GNB3: variants seen among roughly 807,000 people sequenced by gnomAD.
GNB3 encodes G protein subunit beta 3.
In GNB3, 33 loss-of-function variants were observed where a neutral mutation model predicts 41.2. The ratio of observed to expected loss-of-function variants is 0.80; its 90% confidence interval spans 0.61 to 1.07. The LOEUF (loss-of-function observed/expected upper bound fraction) is 1.07. Ranked by LOEUF, GNB3 falls within the 50% of genes least tolerant of loss-of-function variation. GNB3 has a pLI of 0.00. For missense variants in GNB3, 409 were observed against 455.3 expected (o/e 0.90, Z 0.92); for synonymous variants, 172 against 173.4 (o/e 0.99, Z 0.06).
At position 6,843,934 on chromosome 12, in the gene GNB3, C is replaced by T. The variant is rs782266619; in HGVS notation, c.655C>T (p.Arg219Cys). ...CTGGGATGTGCGAGAGGGGACCTGCCGTCAGACTTTCACTGGCCACGAGTC... is the reference window on the plus strand; with the variant it reads ...CTGGGATGTGCGAGAGGGGACCTGCTGTCAGACTTTCACTGGCCACGAGTC... ...KLWDVREGTC[R>C]QTFTGHESDI... Residue 219 changes from arginine to cysteine, a missense_variant, in exon 8 of 10, where the codon CGT becomes TGT. Arg to Cys is a radical substitution (Grantham distance 180, BLOSUM62 -3). Coordinates refer to ENST00000229264, the MANE Select transcript of GNB3 (RefSeq NM_002075.4). The surrounding 1 kb of genome is among the most constrained non-coding windows in gnomAD (Gnocchi z 5.9). 22 of 1,613,710 alleles carry T rather than the reference C, an allele frequency of 1.4e-5. No individual in the cohort carries two copies. In the East Asian group the frequency reaches 3.6e-4, roughly 26 times the overall value.
Position 6,841,214 on chromosome 12 carries a change from G to T in GNB3, c.-30-44G>T. ...TGTGGGCACGAAGGGCAGAAGCACA[G>T]CCTGGTGGGGGGTTCCTCAACACCG... On this transcript the variant is annotated intron_variant, in intron 1 of 9. Coordinates refer to ENST00000229264, the MANE Select transcript of GNB3 (RefSeq NM_002075.4). 4 of 1,279,832 alleles carry T rather than the reference G, an allele frequency of 3.1e-6. 1 individual carries two copies. In the South Asian group the frequency reaches 5.0e-5, roughly 16 times the overall value. The allele number at this position is 1,279,832 out of a possible 1,614,324, so 79.3% of individuals were successfully genotyped here.
At chr12:6,842,577 C>A (rs769650332) in intron 3 of GNB3, among the ~76,000 whole-genome samples, 1 of 152,166 alleles carries the variant, frequency 6.6e-6, no homozygotes, top group Non-Finnish European at 1.5e-5. Context: ...AAAAGCTAGC[C>A]GTGCTGCAGC....
chr12:6,842,876 G>T, intron 3 of GNB3, 94 bp from the exon 4 acceptor site: 1 of 783,148 alleles, frequency 1.3e-6, no homozygotes, highest in Non-Finnish European at 2.1e-6. Context: ...CTAGAGCCTG[G>T]CACAGAGCGG....
intron 9 of GNB3, 91 bp from the exon 10 acceptor site, chr12:6,846,701 C>CACA (rs138991440): frequency 8.3e-5 from 57 of 683,792 alleles, no homozygotes; most frequent in African/African-American, 7.4e-4. Context: ...ACACACACAC[C>CACA]CACACACCCA....
At position 6,845,387 on chromosome 12, in the gene GNB3, C is replaced by A. The variant is rs782674795; in HGVS notation, c.700-199C>A. On this transcript the variant is annotated intron_variant, in intron 8 of 9. Coordinates refer to ENST00000229264, the MANE Select transcript of GNB3 (RefSeq NM_002075.4). ...GCCTGCAGCGCTGTATAGTGCAGAG[C>A]GGGCGAGGGGCATAGGGAAGTCACT... 10 of 590,572 alleles carry A rather than the reference C, an allele frequency of 1.7e-5. No individual in the cohort carries two copies. The South Asian group carries it at 1.8e-4, about 11-fold the overall frequency. 36.6% of individuals were successfully genotyped at this position (590,572 alleles called of 1,614,324 possible).
Position 6,844,091 on chromosome 12 carries a change from GTATTTTTTTTT to G in GNB3, c.699+115_699+125del, listed in dbSNP as rs1943633010. On this transcript the variant is annotated intron_variant, in intron 8 of 9. Transcript: ENST00000229264. Reference sequence around the variant, plus strand: ...ATAGCTTCCCTAGCCCTTTCTTACTGTATTTTTTTTTTTTTTTTTTTTTTTTTTGAGACAGA... The same window carrying G: ...ATAGCTTCCCTAGCCCTTTCTTACTGTTTTTTTTTTTTTTTTTGAGACAGA... The G allele has an allele frequency of 4.6e-5, 12 of 258,824 alleles. No individual in the cohort carries two copies. Among genetic ancestry groups the G allele is most frequent in the South Asian group, 2.2e-4 (3 of 13,686 alleles). 16.0% of individuals were successfully genotyped at this position (258,824 alleles called of 1,614,324 possible). A position where few individuals can be genotyped will look rare whatever the true frequency, so the allele number is the denominator to read the frequency against.
rs782222611 is a variant in GNB3 at position 6,843,137 on chromosome 12, G to A, written c.204-37G>A. ...AGAGCGGGAGTGAGGAAGGCGGGAA[G>A]GGGAGGCTTGCATGATATGGGATGC... On this transcript the variant is annotated intron_variant, in intron 4 of 9. Coordinates refer to ENST00000229264, the MANE Select transcript of GNB3 (RefSeq NM_002075.4). The surrounding 1 kb of genome is among the most constrained non-coding windows in gnomAD (Gnocchi z 5.9). 6.2e-7 allele frequency: 1 copy of A among 1,608,848 alleles called. No individual in the cohort carries two copies. The highest frequency in any genetic ancestry group is 8.5e-7 in the Non-Finnish European group (1 of 1,175,278).
chr12:6,841,485 AC>A, intron 2 of GNB3, 100 bp from the exon 3 acceptor site: 1 of 1,192,572 alleles, frequency 8.4e-7, no homozygotes, highest in Non-Finnish European at 1.2e-6. Flanking sequence ...CATATTTGAG[AC>A]CCCCAAGCCC....
rs782167184 is a variant in GNB3 at position 6,845,652 on chromosome 12, C to A, written c.766C>A (p.Arg256=). ...CGCTTCCTGCCGCTTGTTTGACCTG[C>A]GGGCAGACCAGGAGCTGATCTGCTT... The part of the protein sequence containing the change: ...DDASCRLFDL[R]ADQELICFSH... Residue 256 remains arginine (R), a synonymous_variant, in exon 9 of 10, where the codon CGG becomes AGG. Coordinates refer to ENST00000229264, the MANE Select transcript of GNB3 (RefSeq NM_002075.4). 62 of 1,613,942 alleles carry A rather than the reference C, an allele frequency of 3.8e-5. No homozygotes were observed. In the South Asian group the frequency reaches 5.8e-4, roughly 15 times the overall value.
At chr12:6,841,381 C>A in intron 2 of GNB3, 37 bp downstream of exon 2, 3 of 1,574,828 alleles carry the variant, frequency 1.9e-6, no homozygotes, top group Non-Finnish European at 1.7e-6. Context: ...CCCCAGAAAA[C>A]AGCTGGGGAC....
chr12:6,843,400 C>T lies in GNB3; in HGVS notation c.305C>T (p.Thr102Ile). The T allele has an allele frequency of 5.0e-6, 8 of 1,614,178 alleles. No individual in the cohort carries two copies. Among genetic ancestry groups the T allele is most frequent in the Non-Finnish European group, 6.8e-6 (8 of 1,179,998 alleles). The change falls in exon 6 of 10, where the codon ACC (threonine) becomes ATC (isoleucine). Residue 102 changes from threonine to isoleucine, a missense_variant. Thr to Ile is a moderately conservative substitution (Grantham distance 89, BLOSUM62 -1). Transcript: ENST00000229264. This position sits in a 1 kb window ranked among gnomAD's most constrained non-coding sequence, Gnocchi z 5.9. ...AIPLRSSWVM[T>I]CAYAPSGNFV... ...CCACTGCGCTCCTCCTGGGTCATGA[C>T]CTGTGCCTATGCCCCATCAGGGAAC...
chr12:6,843,901 G>A lies in GNB3; in HGVS notation c.622G>A (p.Ala208Thr), dbSNP rs1943626651. ...CATTTCGGGGGCCTGTGATGCCAGT[G>A]CCAAGCTCTGGGATGTGCGAGAGGG... ...LFISGACDAS[A>T]KLWDVREGTC... Residue 208 changes from alanine (A) to threonine (T), a missense_variant, in exon 8 of 10, where the codon GCC (alanine) becomes ACC (threonine). Ala to Thr is a moderately conservative substitution (Grantham distance 58). Transcript: ENST00000229264. The surrounding 1 kb of genome is among the most constrained non-coding windows in gnomAD (Gnocchi z 5.9). 2.5e-6 allele frequency: 4 copies of A among 1,614,032 alleles called. No individual in the cohort carries two copies. The highest frequency in any genetic ancestry group is 3.4e-6 in the Non-Finnish European group (4 of 1,180,002).
chr12:6,842,710 G>C (rs146111152), intron 3 of GNB3, among the ~76,000 whole-genome samples: 3 of 152,216 alleles, frequency 2.0e-5, no homozygotes, highest in African/African-American at 7.2e-5. Flanking sequence ...TATTCGTATC[G>C]TGGAAATCAC....
Position 6,847,043 on chromosome 12 carries a change from C to T in GNB3, c.*145C>T. On this transcript the variant is annotated 3_prime_UTR_variant, in exon 10 of 10. Coordinates refer to ENST00000229264, the MANE Select transcript of GNB3 (RefSeq NM_002075.4). Reference sequence around the variant, plus strand: ...TTTGAGGGCAGTGGGGAGCATGGGACTGTGCCTTTGGGAGGCAGCATCAGG... The same window carrying T: ...TTTGAGGGCAGTGGGGAGCATGGGATTGTGCCTTTGGGAGGCAGCATCAGG... 1.6e-6 allele frequency: 1 copy of T among 611,616 alleles called. No individual in the cohort carries two copies. The highest frequency in any genetic ancestry group is 2.8e-5 in the East Asian group (1 of 35,996). 37.9% of individuals were successfully genotyped at this position (611,616 alleles called of 1,614,324 possible). A position where few individuals can be genotyped will look rare whatever the true frequency, so the allele number is the denominator to read the frequency against.
At chr12:6,846,708 CCCACACAT>C (rs373734079) in intron 9 of GNB3, 76 bp from the exon 10 acceptor site, 26 of 740,462 alleles carry the variant, frequency 3.5e-5, no homozygotes, top group Non-Finnish European at 5.2e-5. Context: ...CACCCACACA[CCCACACAT>C]ACACTTACAC....
intron 8 of GNB3, 111 bp downstream of exon 8, chr12:6,844,089 C>CTTT: frequency 2.7e-6 from 1 of 377,280 alleles, no homozygotes; most frequent in Non-Finnish European, 4.3e-6. Context: ...CCCTTTCTTA[C>CTTT]TGTATTTTTT....
chr12:6,840,958 G>A lies in GNB3; in HGVS notation c.-106G>A, dbSNP rs782273102. 2.3e-5 allele frequency: 9 copies of A among 393,768 alleles called. No homozygotes were observed. Among genetic ancestry groups the A allele is most frequent in the African/African-American group, 4.3e-5 (2 of 46,904 alleles). The allele number at this position is 393,768 out of a possible 1,614,324, so 24.4% of individuals were successfully genotyped here. On this transcript the variant is annotated 5_prime_UTR_variant, in exon 1 of 10. Transcript: ENST00000229264. ...CTGGGCAGGTGACGGGCGGGCGCGG[G>A]CGTCGCAGCTGAGGGAGTAAGGAGG...
At chr12:6,845,499 G>A in intron 8 of GNB3, 87 bp from the exon 9 acceptor site, 1 of 866,520 alleles carries the variant, frequency 1.2e-6, no homozygotes, top group Non-Finnish European at 1.9e-6. Context: ...GGCTTGCCCT[G>A]GAGCTGTCAG....
intron 8 of GNB3, 46 bp downstream of exon 8, chr12:6,844,024 C>T: frequency 7.2e-7 from 1 of 1,383,664 alleles, no homozygotes; most frequent in South Asian, 1.3e-5. Flanking sequence ...CCTTCCCCGA[C>T]ACTCCCCACA....
Sources: gnomAD v4.1 joint callset for allele counts (sites outside exome capture counted in the v4.1 genomes callset) on GRCh38, gnomAD v4.1.1 for gene constraint, Gnocchi (gnomAD v3.1) non-coding constraint, MANE v1.5 for transcripts, NCBI Gene and HGNC (gene_info 2026-07-23, HGNC 2026-07-21) for gene names.